Variants in MRPL3 observed in about 807,000 individuals in gnomAD.
MRPL3 encodes the protein mitochondrial ribosomal protein L3.
A neutral mutation model predicts 44.3 loss-of-function variants in MRPL3; 43 were observed. The observed-to-expected ratio is 0.97, with a 90% CI of 0.76 to 1.25. The LOEUF is 1.25. MRPL3 is among the 50% of genes most tolerant of loss of function. MRPL3 has a pLI of 0.00. For missense variants in MRPL3, 406 were observed against 427.6 expected (o/e 0.95, Z 0.45); for synonymous variants, 171 against 152.3 (o/e 1.12, Z -0.91).
chr3:131,485,884 G>C (rs79866873), intron 6 of MRPL3, among the ~76,000 whole-genome samples: 1,908 of 152,240 alleles, frequency 0.013, 17 homozygotes, highest in East Asian at 0.035. Flanking sequence ...CTCAATCTCT[G>C]TGATTACAAA....
At chr3:131,468,038 C>G in intron 9 of MRPL3, 53 bp downstream of exon 9, 1 of 894,956 alleles carries the variant, frequency 1.1e-6, no homozygotes, top group South Asian at 2.2e-5. Context: ...TGTTAGCTTG[C>G]GAGTAAGAAA....
chr3:131,488,425 G>A (rs1934178226), intron 5 of MRPL3, among the ~76,000 whole-genome samples: 2 of 152,078 alleles, frequency 1.3e-5, no homozygotes, highest in East Asian at 3.8e-4. Flanking sequence ...TTTAAATTTT[G>A]TGATGAATCA....
At chr3:131,478,617 C>T (rs1321197865) in intron 6 of MRPL3, among the ~76,000 whole-genome samples, 1 of 152,138 alleles carries the variant, frequency 6.6e-6, no homozygotes, top group African/African-American at 2.4e-5. Flanking sequence ...GCCTCAAACA[C>T]CCTTCATACT....
At chr3:131,476,557 T>C (rs1223697415) in intron 6 of MRPL3, among the ~76,000 whole-genome samples, 1 of 151,966 alleles carries the variant, frequency 6.6e-6, no homozygotes, top group Non-Finnish European at 1.5e-5. Flanking sequence ...TAATTAATGA[T>C]AGCAGAAAAA....
chr3:131,487,528 C>T (rs1377137119), intron 6 of MRPL3, 152 bp downstream of exon 6: 4 of 637,360 alleles, frequency 6.3e-6, no homozygotes, highest in Non-Finnish European at 1.1e-5. Context: ...AATTTAAAAA[C>T]CAGTGTAGGT....
intron 9 of MRPL3, among the ~76,000 whole-genome samples, chr3:131,466,587 C>T (rs1260332669): frequency 1.3e-5 from 2 of 151,486 alleles, no homozygotes; most frequent in Non-Finnish European, 2.9e-5. Context: ...AAAAGCTCCC[C>T]CTCAAATGTC....
chr3:131,492,911 T>C (rs1934290180), intron 4 of MRPL3, among the ~76,000 whole-genome samples: 1 of 152,244 alleles, frequency 6.6e-6, no homozygotes. Flanking sequence ...TATTTTCTTA[T>C]AATTCCTGGG....
At chr3:131,463,858 A>T (rs185867099) in intron 9 of MRPL3, among the ~76,000 whole-genome samples, 34 of 152,224 alleles carry the variant, frequency 2.2e-4, no homozygotes, top group South Asian at 1.5e-3. Flanking sequence ...TAAAGTTTTT[A>T]AAAAAATTAC....
At chr3:131,466,809 T>A (rs544398402) in intron 9 of MRPL3, among the ~76,000 whole-genome samples, 2 of 152,114 alleles carry the variant, frequency 1.3e-5, no homozygotes, top group East Asian at 3.9e-4. Flanking sequence ...AACTAGCATA[T>A]CCATTACTTT....
At chr3:131,481,363 T>C (rs189879884) in intron 6 of MRPL3, among the ~76,000 whole-genome samples, 8 of 152,350 alleles carry the variant, frequency 5.3e-5, no homozygotes, top group Admixed American at 4.6e-4. Flanking sequence ...ACATCAATAA[T>C]AGTGATAGTA....
In MRPL3 at chr3:131,469,720, T is replaced by G. The variant is rs770657621; in HGVS notation, c.792A>C (p.Ile264=). The G allele has an allele frequency of 2.0e-5, 33 of 1,612,132 alleles. No individual in the cohort carries two copies. In the South Asian group the frequency reaches 3.3e-4, roughly 16 times the overall value. ...GTKMPGKMGN[I]YRTEYGLKVW... ...CTTTCAGTCCATATTCTGTCCTGTA[T>G]ATGTTTCCCATTTTTCCAGGCATTT... The change falls in exon 8 of 10, where the codon ATA becomes ATC. Residue 264 remains isoleucine (I), a synonymous_variant. Coordinates refer to ENST00000264995, the MANE Select transcript of MRPL3 (RefSeq NM_007208.4).
intron 3 of MRPL3, 28 bp downstream of exon 3, chr3:131,500,402 T>G (rs777340279): frequency 6.4e-7 from 1 of 1,551,766 alleles, no homozygotes; most frequent in Non-Finnish European, 8.9e-7. Context: ...CACATAGATA[T>G]CTCTTACGTC....
chr3:131,492,611 T>G (rs1377394679), intron 4 of MRPL3, among the ~76,000 whole-genome samples: 1 of 152,156 alleles, frequency 6.6e-6, no homozygotes, highest in Non-Finnish European at 1.5e-5. Flanking sequence ...TGGTAACTAA[T>G]GCTCACTCAC....
At chr3:131,484,348 G>A (rs1450952527) in intron 6 of MRPL3, among the ~76,000 whole-genome samples, 2 of 152,068 alleles carry the variant, frequency 1.3e-5, no homozygotes, top group Non-Finnish European at 2.9e-5. Flanking sequence ...AGTTCCGTGG[G>A]TGGGGTCCAT....
intron 3 of MRPL3, 43 bp downstream of exon 3, chr3:131,500,387 T>C: frequency 2.7e-6 from 4 of 1,495,972 alleles, no homozygotes; most frequent in Non-Finnish European, 3.7e-6. Flanking sequence ...AAACAGATCT[T>C]GAAACACATA....
chr3:131,496,534 T>C (rs1024707475), intron 4 of MRPL3, among the ~76,000 whole-genome samples: 1 of 152,216 alleles, frequency 6.6e-6, no homozygotes, highest in Non-Finnish European at 1.5e-5. Context: ...TTTATAGAAC[T>C]ATGATTTCCT....
intron 8 of MRPL3, 137 bp downstream of exon 8, chr3:131,469,559 A>C (rs1380311241): frequency 3.6e-6 from 2 of 558,002 alleles, no homozygotes; most frequent in South Asian, 2.4e-5. Flanking sequence ...CACACACACA[A>C]TTCATGTATC....
At chr3:131,502,184 C>T (rs1275470715) in intron 1 of MRPL3, among the ~76,000 whole-genome samples, 1 of 152,206 alleles carries the variant, frequency 6.6e-6, no homozygotes, top group African/African-American at 2.4e-5. Context: ...GACCTCTGAA[C>T]AGGTGAACAT....
chr3:131,498,046 C>A, intron 4 of MRPL3, 133 bp downstream of exon 4: 2 of 708,222 alleles, frequency 2.8e-6, no homozygotes, highest in Non-Finnish European at 4.9e-6. Flanking sequence ...GCCAGACTGC[C>A]TCCCCCAAAT....
Sources: gnomAD v4.1 joint callset for allele counts (sites outside exome capture counted in the v4.1 genomes callset) on GRCh38, gnomAD v4.1.1 for gene constraint, MANE v1.5 for transcripts, NCBI Gene and HGNC (gene_info 2026-07-23, HGNC 2026-07-21) for gene names.